The following DAB2IP variants were observed in gnomAD, a reference collection of about 807,000 sequenced individuals.
DAB2IP encodes disabled homolog 2-interacting protein.
A neutral mutation model predicts 107.2 loss-of-function variants in DAB2IP; 28 were observed. The ratio of observed to expected loss-of-function variants is 0.26; its 90% CI spans 0.19 to 0.36. The LOEUF (loss-of-function observed/expected upper bound fraction) is 0.36. Among genes scored for constraint, DAB2IP ranks in the 10% least tolerant of loss-of-function variants. The pLI, the probability that DAB2IP is intolerant of heterozygous loss-of-function variation, is 1.00. For synonymous variants in DAB2IP, 755 were observed against 706.4 expected (o/e 1.07, Z -1.09); for missense variants, 1,400 against 1,644.7 (o/e 0.85, Z 2.57).
chr9:121,595,616 G>A (rs370344460), intron 1 of DAB2IP, among the ~76,000 whole-genome samples: 10 of 131,806 alleles, frequency 7.6e-5, no homozygotes, highest in South Asian at 4.9e-4. Context: ...AAAAAAAAAA[G>A]AAAAGAAGAA....
chr9:121,631,872 C>A (rs529716965), intron 1 of DAB2IP, among the ~76,000 whole-genome samples: 1 of 150,372 alleles, frequency 6.7e-6, no homozygotes, highest in Non-Finnish European at 1.5e-5. Context: ...CCCAGGGAAC[C>A]GTGGCAGGGC....
intron 2 of DAB2IP, among the ~76,000 whole-genome samples, chr9:121,697,418 G>A (rs1829481127): frequency 6.6e-6 from 1 of 152,188 alleles, no homozygotes; most frequent in Non-Finnish European, 1.5e-5. Flanking sequence ...AATTAGCCAG[G>A]TGCAGCCCCC....
At chr9:121,689,362 C>T (rs1386881457) in intron 2 of DAB2IP, among the ~76,000 whole-genome samples, 3 of 151,996 alleles carry the variant, frequency 2.0e-5, no homozygotes, top group Admixed American at 6.5e-5. Flanking sequence ...GCCAGGACTC[C>T]CAGGTGAACC....
intron 1 of DAB2IP, among the ~76,000 whole-genome samples, chr9:121,590,423 A>G (rs1424773103): frequency 6.6e-6 from 1 of 151,828 alleles, no homozygotes; most frequent in Non-Finnish European, 1.5e-5. Context: ...ACCCCAGCCT[A>G]TCTGTGAAAA....
At chr9:121,613,048 G>A (rs1313497547) in intron 1 of DAB2IP, among the ~76,000 whole-genome samples, 2 of 152,138 alleles carry the variant, frequency 1.3e-5, no homozygotes, top group Non-Finnish European at 2.9e-5. Flanking sequence ...CTATGCTTTC[G>A]GACAGGAAAC....
At chr9:121,672,632 G>C (rs1040952700) in intron 1 of DAB2IP, among the ~76,000 whole-genome samples, 6 of 152,198 alleles carry the variant, frequency 3.9e-5, no homozygotes, top group Admixed American at 3.9e-4. Flanking sequence ...AGGATCAGCT[G>C]GTCCCATGGC....
intron 3 of DAB2IP, among the ~76,000 whole-genome samples, chr9:121,752,508 G>C (rs1833192047): frequency 6.6e-6 from 1 of 152,218 alleles, no homozygotes; most frequent in Non-Finnish European, 1.5e-5. Context: ...GGATATGGCT[G>C]TCTGCCCAGG....
At chr9:121,605,391 C>T (rs866401927) in intron 1 of DAB2IP, among the ~76,000 whole-genome samples, 1 of 152,134 alleles carries the variant, frequency 6.6e-6, no homozygotes, top group African/African-American at 2.4e-5. Context: ...CAAGGGGGAC[C>T]GGCCTAAAAG....
chr9:121,581,603 CAG>C (rs1205583612), intron 1 of DAB2IP, among the ~76,000 whole-genome samples: 4 of 152,208 alleles, frequency 2.6e-5, no homozygotes, highest in African/African-American at 9.7e-5. Flanking sequence ...CAGGAAGTGA[CAG>C]AGTCAGGATT....
At chr9:121,648,112 AG>A (rs1317014510), upstream of DAB2IP, among the ~76,000 whole-genome samples, 28 of 152,232 alleles carry the variant, frequency 1.8e-4, no homozygotes, top group East Asian at 5.4e-3. Context: ...ACGGGTGGAA[AG>A]GGGGTGAAGG....
chr9:121,626,213 A>T (rs559033657), intron 1 of DAB2IP, among the ~76,000 whole-genome samples: 15 of 152,000 alleles, frequency 9.9e-5, no homozygotes, highest in African/African-American at 2.4e-5. Flanking sequence ...CACACGTTTA[A>T]TGAGCTCTTG....
chr9:121,639,678 T>C (rs1269641829), intron 1 of DAB2IP, among the ~76,000 whole-genome samples: 3 of 152,130 alleles, frequency 2.0e-5, no homozygotes, highest in Non-Finnish European at 4.4e-5. Context: ...ATCTGTACCA[T>C]GAGGTTTATA....
intron 3 of DAB2IP, among the ~76,000 whole-genome samples, chr9:121,715,356 T>G (rs1830544989): frequency 6.6e-6 from 1 of 151,460 alleles, no homozygotes; most frequent in East Asian, 1.9e-4. Context: ...TCTTTCTTTT[T>G]TTTTTTTTTG....
intron 1 of DAB2IP, among the ~76,000 whole-genome samples, chr9:121,642,555 G>T (rs1832397432): frequency 7.0e-6 from 1 of 143,006 alleles, no homozygotes; most frequent in African/African-American, 2.7e-5. Context: ...AAACTCCTGG[G>T]CTCAAGTGAT....
At chr9:121,781,349 G>A in intron 14 of DAB2IP, 115 bp from the exon 15 acceptor site, 1 of 995,724 alleles carries the variant, frequency 1.0e-6, no homozygotes, top group East Asian at 2.5e-5. Flanking sequence ...CTGACCCAAG[G>A]AGGGGCTCTC....
chr9:121,725,933 T>C (rs1831218287), intron 3 of DAB2IP, among the ~76,000 whole-genome samples: 1 of 152,134 alleles, frequency 6.6e-6, no homozygotes, highest in African/African-American at 2.4e-5. Flanking sequence ...TCCTTGGCTG[T>C]GTGTAAGGGT....
At chr9:121,719,309 G>A (rs969224659) in intron 3 of DAB2IP, among the ~76,000 whole-genome samples, 4 of 152,208 alleles carry the variant, frequency 2.6e-5, no homozygotes, top group Admixed American at 1.3e-4. Flanking sequence ...GGGGGTTGGG[G>A]AAGGAGTCGG....
chr9:121,758,811 C>T (rs1833670678), intron 4 of DAB2IP, 87 bp from the exon 5 acceptor site: 1 of 1,204,438 alleles, frequency 8.3e-7, no homozygotes. Context: ...GGCCAGAGTC[C>T]CCTGAGCCTC....
At chr9:121,777,631 G>GTT (rs1159680825) in intron 14 of DAB2IP, among the ~76,000 whole-genome samples, 2 of 152,236 alleles carry the variant, frequency 1.3e-5, no homozygotes, top group Non-Finnish European at 2.9e-5. Flanking sequence ...TAGGTAGATA[G>GTT]TGTTCAAGTA....
Sources: gnomAD v4.1 joint callset for allele counts (sites outside exome capture counted in the v4.1 genomes callset) on GRCh38, gnomAD v4.1.1 for gene constraint, MANE v1.5 for transcripts, NCBI Gene and HGNC (gene_info 2026-07-23, HGNC 2026-07-21) for gene names.